LSG1: variants seen among roughly 807,000 people sequenced by gnomAD.
The protein encoded by LSG1 is large 60S subunit nuclear export GTPase 1, also known as large subunit GTPase 1 homolog.
A neutral mutation model predicts 82.6 loss-of-function variants in LSG1; 55 were observed. The observed-to-expected ratio is 0.67, with a 90% CI of 0.54 to 0.83. The LOEUF is 0.83. Among genes scored for constraint, LSG1 ranks in the 40% least tolerant of loss-of-function variants. The pLI, the probability that LSG1 is intolerant of heterozygous loss-of-function variation, is 0.00. For synonymous variants in LSG1, 272 were observed against 282.5 expected (o/e 0.96, Z 0.37); for missense variants, 809 against 807.9 (o/e 1.00, Z -0.02).
rs752839099 is a variant in LSG1 at position 194,651,241 on chromosome 3, A to G, written c.1174-25T>C. On this transcript the variant is annotated intron_variant, in intron 8 of 13. Coordinates refer to ENST00000265245, the MANE Select transcript of LSG1 (RefSeq NM_018385.3). ...CCTAGAAGAGACTCAGAAGTTACCAAACAGTAAAACAGTACATCTATCAAA... is the reference window on the plus strand; with the variant it reads ...CCTAGAAGAGACTCAGAAGTTACCAGACAGTAAAACAGTACATCTATCAAA... The G allele has an allele frequency of 4.9e-6, 7 of 1,440,630 alleles. No individual in the cohort carries two copies. In the South Asian group the frequency reaches 8.0e-5, roughly 16 times the overall value. 89.2% of individuals were successfully genotyped at this position (1,440,630 alleles called of 1,614,324 possible). A position where few individuals can be genotyped will look rare whatever the true frequency, so the allele number is the denominator to read the frequency against.
rs149026232 is a variant in LSG1 at position 194,670,096 on chromosome 3, G to C, written c.139C>G (p.Arg47Gly). The C allele has an allele frequency of 3.2e-5, 51 of 1,613,584 alleles. No homozygotes were observed. The highest frequency in any genetic ancestry group is 6.7e-5 in the Admixed American group (4 of 59,960). ...SELNDGYDWG[R>G]LNLQSVTEQS... The stretch of plus-strand genomic sequence containing the variant: ...TCAGTCACTGACTGAAGATTAAGAC[G>C]ACCCCAATCATAGCCATCATTGAGT... The change falls in exon 2 of 14, where the codon CGT (arginine) becomes GGT (glycine). Residue 47 changes from arginine (R) to glycine (G), a missense_variant. Coordinates refer to ENST00000265245, the MANE Select transcript of LSG1 (RefSeq NM_018385.3).
At chr3:194,642,953 T>C (rs924987008) in intron 13 of LSG1, among the ~76,000 whole-genome samples, 1 of 152,254 alleles carries the variant, frequency 6.6e-6, no homozygotes. Flanking sequence ...TGAGCCTCAG[T>C]GTCCTCAAGG....
rs540234254 is a variant in LSG1, at chr3:194,641,766, A to G, written c.*302T>C. On this transcript the variant is annotated 3_prime_UTR_variant, in exon 14 of 14. Transcript: ENST00000265245. ...GTAGCTGGGATTACAGGTGCGCGCC[A>G]CCACGCCTGGCTAATTTTTTTGTAT... 21 of 212,686 alleles carry G rather than the reference A, an allele frequency of 9.9e-5. No individual in the cohort carries two copies. Among genetic ancestry groups the G allele is most frequent in the African/African-American group, 4.9e-4 (21 of 43,298 alleles). The allele number at this position is 212,686 out of a possible 1,614,324, so 13.2% of individuals were successfully genotyped here.
chr3:194,660,811 TAAG>T, intron 5 of LSG1: 1 of 455,666 alleles, frequency 2.2e-6, no homozygotes, highest in South Asian at 1.6e-5. Flanking sequence ...AGTACAGCAA[TAAG>T]ATAACTTTCT....
At chr3:194,657,025 C>T (rs1024191800) in intron 7 of LSG1, among the ~76,000 whole-genome samples, 3 of 151,978 alleles carry the variant, frequency 2.0e-5, no homozygotes, top group African/African-American at 7.3e-5. Flanking sequence ...GGAGGGATAA[C>T]ATTAGGAGAT....
chr3:194,644,963 T>G, intron 12 of LSG1: 1 of 390,602 alleles, frequency 2.6e-6, no homozygotes, highest in Non-Finnish European at 4.5e-6. Context: ...CGCCCCAGAC[T>G]AGGATGAAAT....
At chr3:194,650,350 A>G (rs1173752128) in intron 10 of LSG1, among the ~76,000 whole-genome samples, 2 of 152,228 alleles carry the variant, frequency 1.3e-5, no homozygotes, top group African/African-American at 4.8e-5. Flanking sequence ...CTTACTAGCT[A>G]TAAGAGCTTA....
intron 5 of LSG1, among the ~76,000 whole-genome samples, chr3:194,661,327 T>C (rs1718923752): frequency 1.3e-5 from 2 of 152,176 alleles, no homozygotes; most frequent in Admixed American, 6.5e-5. Context: ...TACAAAAAAA[T>C]GGACAAAGCC....
At position 194,665,554 on chromosome 3, in the gene LSG1, C is replaced by A; in HGVS notation, c.521+3G>T. 6.2e-7 allele frequency: 1 copy of A among 1,600,260 alleles called. No homozygotes were observed. Among genetic ancestry groups the A allele is most frequent in the South Asian group, 1.1e-5 (1 of 88,360 alleles). On this transcript the variant is annotated splice_donor_region_variant and intron_variant, in intron 5 of 13. Coordinates refer to ENST00000265245, the MANE Select transcript of LSG1 (RefSeq NM_018385.3). ...TATTACACAAAAGAAAATGATAATT[C>A]ACCTTCTCTCAATGACTCTCCAGAG...
Position 194,665,642 on chromosome 3 carries a change from G to A in LSG1, c.436C>T (p.Leu146=), listed in dbSNP as rs533701047. The change falls in exon 5 of 14, where the codon CTA becomes TTA. Residue 146 remains leucine (L), a splice_region_variant and synonymous_variant. Coordinates refer to ENST00000265245, the MANE Select transcript of LSG1 (RefSeq NM_018385.3). ...FLEWRRQLVR[L]EEEQKLILTP... is the part of the protein sequence containing the mutation. ...AATATCAGCTTCTGTTCCTCTTCTA[G>A]CCTAGTTTTTGAATGAGAAGTTTAT... 2.5e-6 allele frequency: 4 copies of A among 1,603,466 alleles called. No homozygotes were observed. In the South Asian group the frequency reaches 3.3e-5, roughly 13 times the overall value.
At chr3:194,650,220 C>T (rs1718646376) in intron 10 of LSG1, among the ~76,000 whole-genome samples, 1 of 152,190 alleles carries the variant, frequency 6.6e-6, no homozygotes, top group African/African-American at 2.4e-5. Context: ...CACCTGGCCC[C>T]TGCATAGTTC....
intron 10 of LSG1, 198 bp downstream of exon 10, chr3:194,650,683 T>C: frequency 2.1e-6 from 1 of 469,944 alleles, no homozygotes. Flanking sequence ...GATTCTCCCA[T>C]TTCTTCAAGG....
At chr3:194,672,039 A>G in intron 1 of LSG1, 25 bp downstream of exon 1, 1 of 1,602,760 alleles carries the variant, frequency 6.2e-7, no homozygotes, top group Non-Finnish European at 8.5e-7. Flanking sequence ...AGAAAAGATA[A>G]GAAAGATGAC....
At chr3:194,658,884 C>T in intron 7 of LSG1, 73 bp downstream of exon 7, 2 of 1,409,630 alleles carry the variant, frequency 1.4e-6, no homozygotes, top group Non-Finnish European at 2.0e-6. Flanking sequence ...ATAAACAAAA[C>T]ACAAACGAAG....
At chr3:194,652,487 A>C (rs1170422806) in intron 8 of LSG1, among the ~76,000 whole-genome samples, 4 of 152,296 alleles carry the variant, frequency 2.6e-5, no homozygotes, top group African/African-American at 9.6e-5. Context: ...AACTGAAAGG[A>C]GACTGGAGAA....
At chr3:194,644,390 ATAAATAAATAAAT>A (rs1718471457) in intron 13 of LSG1, among the ~76,000 whole-genome samples, 170 bp downstream of exon 13, 1 of 102,518 alleles carries the variant, frequency 9.8e-6, no homozygotes, top group Non-Finnish European at 2.2e-5. Context: ...ATAAAAATAA[ATAAATAAATAAAT>A]AAATAAATAA....
chr3:194,666,863 T>C (rs1719040071), intron 2 of LSG1, among the ~76,000 whole-genome samples: 1 of 152,158 alleles, frequency 6.6e-6, no homozygotes, highest in Non-Finnish European at 1.5e-5. Context: ...ATTATTAAAA[T>C]ACAGCATCAT....
chr3:194,645,547 C>CACAGACAG (rs1718519072), intron 12 of LSG1: 1 of 46,838 alleles, frequency 2.1e-5, no homozygotes, highest in African/African-American at 7.4e-5. Context: ...CACACACACA[C>CACAGACAG]ACACACACAC....
chr3:194,659,042 C>A lies in LSG1; in HGVS notation c.674G>T (p.Trp225Leu). The change falls in exon 7 of 14, where the codon TGG (tryptophan) becomes TTG (leucine). Residue 225 changes from tryptophan (W) to leucine (L), a missense_variant. Physicochemically the swap from Trp to Leu is moderately conservative, Grantham distance 61. Coordinates refer to ENST00000265245, the MANE Select transcript of LSG1 (RefSeq NM_018385.3). ...DLLTAEQRSA[W>L]AMYFEKEDVK... ...ATCTTCTTTTTCGAAGTACATGGCC[C>A]AGGCACTCCGCTGCTCAGCAGTCAG... is the stretch of plus-strand genomic sequence containing the variant. The A allele has an allele frequency of 6.2e-7, 1 of 1,614,170 alleles. No homozygotes were observed. The highest frequency in any genetic ancestry group is 8.5e-7 in the Non-Finnish European group (1 of 1,180,018).
Sources: gnomAD v4.1 joint callset for allele counts (sites outside exome capture counted in the v4.1 genomes callset) on GRCh38, gnomAD v4.1.1 for gene constraint, MANE v1.5 for transcripts, NCBI Gene and HGNC (gene_info 2026-07-23, HGNC 2026-07-21) for gene names.